Variants in SMG7 observed in about 807,000 individuals in gnomAD.
The protein encoded by SMG7 is nonsense-mediated mRNA decay factor SMG7.
Under a neutral mutation model 148.2 loss-of-function variants are expected in SMG7, and 34 were observed. The observed-to-expected ratio is 0.23, with a 90% CI of 0.17 to 0.31. SMG7 has a LOEUF of 0.31. Ranked by LOEUF, SMG7 falls within the 10% of genes least tolerant of loss-of-function variation. The probability of loss-of-function intolerance (pLI) is 1.00; values close to 1 mark genes in which losing one functional copy is unlikely to be tolerated. For missense variants in SMG7, 1,114 were observed against 1,408.4 expected (o/e 0.79, Z 3.35); for synonymous variants, 492 against 515.1 (o/e 0.96, Z 0.61).
At chr1:183,516,502 T>C (rs111550045) in intron 3 of SMG7, among the ~76,000 whole-genome samples, 5 of 152,226 alleles carry the variant, frequency 3.3e-5, no homozygotes, top group Non-Finnish European at 7.3e-5. Flanking sequence ...ATTTAGACTT[T>C]TCCGCTTCTT....
chr1:183,552,225 G>A lies in SMG7; in HGVS notation c.*294G>A, dbSNP rs961587999. ...ATCACCGCCTCTCACCTTCTCCATC[G>A]TGCATGTCCCCAGCCACATGGGAAG... On this transcript the variant is annotated 3_prime_UTR_variant, in exon 23 of 23. Coordinates refer to ENST00000688051, the MANE Select transcript of SMG7 (RefSeq NM_001375584.1). 36 of 1,059,306 alleles carry A rather than the reference G, an allele frequency of 3.4e-5. No homozygotes were observed. The highest frequency in any genetic ancestry group is 2.7e-4 in the East Asian group (4 of 14,644). 65.6% of individuals were successfully genotyped at this position (1,059,306 alleles called of 1,614,324 possible). A position where few individuals can be genotyped will look rare whatever the true frequency, so the allele number is the denominator to read the frequency against.
chr1:183,541,201 C>T (rs536001711), intron 13 of SMG7, 98 bp downstream of exon 13: 99 of 1,079,178 alleles, frequency 9.2e-5, no homozygotes, highest in Non-Finnish European at 1.3e-4. Context: ...TCATATGTTA[C>T]GTATTTTAGG....
At chr1:183,520,117 A>G (rs1216295551) in intron 4 of SMG7, among the ~76,000 whole-genome samples, 2 of 152,068 alleles carry the variant, frequency 1.3e-5, no homozygotes, top group Non-Finnish European at 2.9e-5. Context: ...AAACAAATAG[A>G]TATTATAATT....
intron 2 of SMG7, among the ~76,000 whole-genome samples, chr1:183,514,852 T>C (rs1321254482): frequency 6.6e-6 from 1 of 152,230 alleles, no homozygotes; most frequent in East Asian, 1.9e-4. Context: ...CTGTAAACTC[T>C]TAGGAGCATT....
Position 183,545,190 on chromosome 1 carries a change from C to G in SMG7, c.2248C>G (p.Gln750Glu), listed in dbSNP as rs1374276153. The part of the protein sequence containing the change: ...SQQPLTSLPA[Q>E]PTAQSTSQLQ... ...GCAACCCCTTACATCTTTACCAGCT[C>G]AGCCAACAGCACAGTCTACAAGCCA... is the stretch of plus-strand genomic sequence containing the variant. The change falls in exon 16 of 23, where the codon CAG becomes GAG. Residue 750 changes from glutamine to glutamate, a missense_variant. This residue lies in a region of SMG7 where 788 missense variants were observed against 894.5 expected (regional missense o/e 0.88). Transcript: ENST00000688051. 6 of 1,614,044 alleles carry G rather than the reference C, an allele frequency of 3.7e-6. No individual in the cohort carries two copies. In the Admixed American group the frequency reaches 8.3e-5, roughly 22 times the overall value.
At chr1:183,491,113 ACCCTCT>A (rs1441309956) in intron 1 of SMG7, among the ~76,000 whole-genome samples, 5 of 152,082 alleles carry the variant, frequency 3.3e-5, no homozygotes, top group South Asian at 2.1e-4. Context: ...ACTCTGCTTA[ACCCTCT>A]GTGCCTCAGG....
chr1:183,473,334 A>T (rs1010769838), intron 1 of SMG7, among the ~76,000 whole-genome samples: 9 of 152,048 alleles, frequency 5.9e-5, no homozygotes, highest in African/African-American at 2.2e-4. Context: ...TAGTCGGAAG[A>T]TACCATTCTG....
intron 3 of SMG7, among the ~76,000 whole-genome samples, chr1:183,517,135 C>T (rs962524058): frequency 6.6e-6 from 1 of 152,116 alleles, no homozygotes; most frequent in Non-Finnish European, 1.5e-5. Context: ...TATATTGTTT[C>T]TTATTGTAAA....
At chr1:183,543,369 TGAGAAA>T (rs1263700043) in intron 14 of SMG7, among the ~76,000 whole-genome samples, 3 of 152,026 alleles carry the variant, frequency 2.0e-5, no homozygotes, top group Non-Finnish European at 2.9e-5. Context: ...CTAATTTTTT[TGAGAAA>T]GAGAAATAAG....
chr1:183,477,485 C>CATGTGTATATATGCATATATACAT, intron 1 of SMG7, among the ~76,000 whole-genome samples: 1 of 125,250 alleles, frequency 8.0e-6, no homozygotes, highest in South Asian at 2.6e-4. Context: ...CATATATACA[C>CATGTGTATATATGCATATATACAT]GTGTGTGCAT....
chr1:183,492,209 A>G (rs1657214511), intron 1 of SMG7, among the ~76,000 whole-genome samples: 2 of 152,188 alleles, frequency 1.3e-5, no homozygotes, highest in African/African-American at 2.4e-5. Context: ...GATGTATACT[A>G]TTGTTTGAGG....
At chr1:183,510,581 T>C (rs969017219) in intron 1 of SMG7, among the ~76,000 whole-genome samples, 6 of 152,152 alleles carry the variant, frequency 3.9e-5, no homozygotes, top group South Asian at 2.1e-4. Flanking sequence ...TAGCACTACA[T>C]TGAGATTCTG....
intron 2 of SMG7, among the ~76,000 whole-genome samples, chr1:183,513,803 G>A (rs1409959404): frequency 1.3e-5 from 2 of 152,058 alleles, no homozygotes; most frequent in African/African-American, 2.4e-5. Context: ...GCCCAGGTGA[G>A]TGGATCACCT....
chr1:183,545,261 A>C lies in SMG7; in HGVS notation c.2319A>C (p.Lys773Asn), dbSNP rs1485655885. Residue 773 changes from lysine to asparagine, a missense_variant, in exon 16 of 23, where the codon AAA (lysine) becomes AAC (asparagine). Physicochemically the swap from Lys to Asn is moderately conservative, Grantham distance 94. Transcript: ENST00000688051. ...ALTQQQQSPT[K>N]AVPALGKSPP... Reference sequence around the variant, plus strand: ...CTCAGCAACAACAATCCCCTACAAAAGCTGTGCCGGCTTTGGGGAAAAGCC... The same window carrying C: ...CTCAGCAACAACAATCCCCTACAAACGCTGTGCCGGCTTTGGGGAAAAGCC... 1 of 1,613,340 alleles carries C rather than the reference A, an allele frequency of 6.2e-7. No individual in the cohort carries two copies. Among genetic ancestry groups the C allele is most frequent in the Non-Finnish European group, 8.5e-7 (1 of 1,179,996 alleles).
Position 183,527,252 on chromosome 1 carries a change from T to C in SMG7, c.484+485T>C, listed in dbSNP as rs984571088. Among the ~76,000 whole-genome samples the C allele has an allele frequency of 3.3e-5, 5 of 152,378 alleles. No individual in the cohort carries two copies. The highest frequency in any genetic ancestry group is 4.1e-4 in the South Asian group (2 of 4,830). On this transcript the variant is annotated intron_variant, in intron 5 of 22. Transcript: ENST00000688051. This position sits in a 1 kb window ranked among gnomAD's most constrained non-coding sequence, Gnocchi z 4.0. Reference sequence around the variant, plus strand: ...TTATCTGGGAATATTATATAACTTATTTATTCTTGTTCATTCCTTTAAGGT... The same window carrying C: ...TTATCTGGGAATATTATATAACTTACTTATTCTTGTTCATTCCTTTAAGGT...
chr1:183,547,136 C>A lies in SMG7; in HGVS notation c.2776C>A (p.Leu926Met), dbSNP rs187422671. 91 of 1,550,502 alleles carry A rather than the reference C, an allele frequency of 5.9e-5. No individual in the cohort carries two copies. In the East Asian group the frequency reaches 1.9e-3, roughly 32 times the overall value. Residue 926 changes from leucine (L) to methionine (M), a missense_variant, in exon 18 of 23, where the codon CTG (leucine) becomes ATG (methionine). Coordinates refer to ENST00000688051, the MANE Select transcript of SMG7 (RefSeq NM_001375584.1). ...PKSSPLLPPD[L>M]LKSLAALEEE... ...GAGCTCCCCTCTGCTTCCTCCGGACCTGTTAAAGAGTCTGGCTGCCTTGGA... is the reference window on the plus strand; with the variant it reads ...GAGCTCCCCTCTGCTTCCTCCGGACATGTTAAAGAGTCTGGCTGCCTTGGA...
At position 183,545,875 on chromosome 1, in the gene SMG7, A is replaced by G. The variant is rs182728201; in HGVS notation, c.2371-91A>G. The G allele has an allele frequency of 6.9e-6, 10 of 1,450,086 alleles. No individual in the cohort carries two copies. In the East Asian group the frequency reaches 2.1e-4, roughly 30 times the overall value. 89.8% of individuals were successfully genotyped at this position (1,450,086 alleles called of 1,614,324 possible). ...TGCCTAGAGTTTTGTTGGTTGGAAAACACCCCAAGTTCATTCTGTGATTCT... is the reference window on the plus strand; with the variant it reads ...TGCCTAGAGTTTTGTTGGTTGGAAAGCACCCCAAGTTCATTCTGTGATTCT... On this transcript the variant is annotated intron_variant, in intron 16 of 22. Coordinates refer to ENST00000688051, the MANE Select transcript of SMG7 (RefSeq NM_001375584.1).
intron 1 of SMG7, among the ~76,000 whole-genome samples, chr1:183,510,400 A>C (rs898706168): frequency 6.6e-6 from 1 of 152,296 alleles, no homozygotes; most frequent in Middle Eastern, 3.4e-3. Flanking sequence ...CAGCTTTGCA[A>C]ATATGTATTT....
intron 1 of SMG7, among the ~76,000 whole-genome samples, chr1:183,495,341 T>A (rs1658224249): frequency 6.6e-6 from 1 of 152,172 alleles, no homozygotes; most frequent in African/African-American, 2.4e-5. Flanking sequence ...CATGTATAAT[T>A]CATGTGAGAA....
Sources: allele counts gnomAD v4.1 joint callset (sites outside exome capture counted in the v4.1 genomes callset), GRCh38; gene constraint gnomAD v4.1.1; regional missense constraint gnomAD v4.1.1; non-coding constraint Gnocchi (gnomAD v3.1); transcripts MANE v1.5; gene names NCBI Gene and HGNC (gene_info 2026-07-23, HGNC 2026-07-21).